CYTH2: variants seen among roughly 807,000 people sequenced by gnomAD.
CYTH2 encodes cytohesin 2.
In CYTH2, 24 loss-of-function variants were observed where a neutral mutation model predicts 55.4. The observed-to-expected ratio is 0.43, with a 90% CI of 0.31 to 0.61. The LOEUF (loss-of-function observed/expected upper bound fraction) is 0.61. Ranked by LOEUF, CYTH2 falls within the 20% of genes least tolerant of loss-of-function variation. The pLI is 0.08. For synonymous variants in CYTH2, 221 were observed against 209.6 expected (o/e 1.05, Z -0.47); for missense variants, 378 against 533.5 (o/e 0.71, Z 2.87).
chr19:48,478,178 T>G (rs773252646), intron 9 of CYTH2, 33 bp downstream of exon 9: 1 of 1,612,772 alleles, frequency 6.2e-7, no homozygotes, highest in South Asian at 1.1e-5. Flanking sequence ...TCTGGGGTCC[T>G]GGGCGGAGTG....
chr19:48,469,406 C>A lies in CYTH2; in HGVS notation c.-102C>A. The A allele has an allele frequency of 7.9e-7, 1 of 1,267,580 alleles. No homozygotes were observed. The highest frequency in any genetic ancestry group is 1.0e-6 in the Non-Finnish European group (1 of 989,626). 78.5% of individuals were successfully genotyped at this position (1,267,580 alleles called of 1,614,324 possible). A position where few individuals can be genotyped will look rare whatever the true frequency, so the allele number is the denominator to read the frequency against. ...TGGCGCTGAGGAGGCGGCGGTGGCT[C>A]CCGGGGCGTTTGAGCGGGCTCACCC... On this transcript the variant is annotated 5_prime_UTR_variant, in exon 1 of 12. Coordinates refer to ENST00000452733, the MANE Select transcript of CYTH2 (RefSeq NM_004228.7).
intron 8 of CYTH2, 135 bp from the exon 9 acceptor site, chr19:48,477,934 C>A: frequency 1.5e-6 from 1 of 653,812 alleles, no homozygotes; most frequent in South Asian, 1.9e-5. Flanking sequence ...TCTGTCTCCC[C>A]CAACGCAGCG....
chr19:48,469,383 G>C lies in CYTH2; in HGVS notation c.-125G>C. 6.2e-6 allele frequency: 7 copies of C among 1,120,020 alleles called. No individual in the cohort carries two copies. The highest frequency in any genetic ancestry group is 8.1e-6 in the Non-Finnish European group (7 of 861,748). 69.4% of individuals were successfully genotyped at this position (1,120,020 alleles called of 1,614,324 possible). A position where few individuals can be genotyped will look rare whatever the true frequency, so the allele number is the denominator to read the frequency against. On this transcript the variant is annotated 5_prime_UTR_variant, in exon 1 of 12. Coordinates refer to ENST00000452733, the MANE Select transcript of CYTH2 (RefSeq NM_004228.7). ...AGAGTCTTTTCAGCGCTGAGGACTG[G>C]CGCTGAGGAGGCGGCGGTGGCTCCC... is the stretch of plus-strand genomic sequence containing the variant.
chr19:48,477,937 A>G (rs896414905), intron 8 of CYTH2, 132 bp from the exon 9 acceptor site: 8 of 660,596 alleles, frequency 1.2e-5, no homozygotes, highest in African/African-American at 9.1e-5. Flanking sequence ...GTCTCCCCCA[A>G]CGCAGCGGCT....
At position 48,478,822 on chromosome 19, in the gene CYTH2, C is replaced by G. The variant is rs528574731; in HGVS notation, c.1112+230C>G. Among the ~76,000 whole-genome samples the G allele has an allele frequency of 3.4e-3, 359 of 105,530 alleles. 2 individuals are homozygous for G. Among genetic ancestry groups the G allele is most frequent in the African/African-American group, 0.018 (314 of 17,510 alleles). The allele number at this position is 105,530 out of a possible 152,430, so 69.2% of individuals were successfully genotyped here. On this transcript the variant is annotated intron_variant, in intron 11 of 11. Transcript: ENST00000452733. Reference sequence around the variant, plus strand: ...CGGAGGAGGGGCCGGGGGCCTGGACCCCTGGGTCTGACGGAGGAGGGGCCG... The same window carrying G: ...CGGAGGAGGGGCCGGGGGCCTGGACGCCTGGGTCTGACGGAGGAGGGGCCG...
Position 48,470,434 on chromosome 19 carries a change from A to G in CYTH2, c.101A>G (p.Gln34Arg), listed in dbSNP as rs1167890225. Residue 34 changes from glutamine (Q) to arginine (R), a missense_variant, in exon 2 of 12, where the codon CAG (glutamine) becomes CGG (arginine). Physicochemically the swap from Gln to Arg is conservative, Grantham distance 43. Coordinates refer to ENST00000452733, the MANE Select transcript of CYTH2 (RefSeq NM_004228.7). ...AAGCAGGAGCTGCTGGTGGAGATTC[A>G]GCGCCTGCGGGAGGAGCTCAGTGAA... ...RRKQELLVEI[Q>R]RLREELSEAM... 2.5e-6 allele frequency: 4 copies of G among 1,613,972 alleles called. No homozygotes were observed. The highest frequency in any genetic ancestry group is 3.4e-6 in the Non-Finnish European group (4 of 1,180,016).
intron 8 of CYTH2, 60 bp from the exon 9 acceptor site, chr19:48,478,009 T>C (rs1971953545): frequency 7.0e-7 from 1 of 1,419,968 alleles, no homozygotes; most frequent in Admixed American, 1.7e-5. Context: ...GCCCCTCCCA[T>C]CTCCCAGAGG....
chr19:48,480,484 G>C lies in CYTH2; in HGVS notation c.*1274G>C, dbSNP rs1269364298. 1 of 152,230 alleles carries C rather than the reference G, an allele frequency of 6.6e-6. No homozygotes were observed. Among genetic ancestry groups the C allele is most frequent in the African/African-American group, 2.4e-5 (1 of 41,462 alleles). The allele number at this position is 152,230 out of a possible 1,614,324, so 9.4% of individuals were successfully genotyped here. ...CTGCCGGCCTGAAGGCCCCCGCGGT[G>C]GGGGTACCCTGCGCCCCTCCGCGGG... is the stretch of plus-strand genomic sequence containing the variant. On this transcript the variant is annotated 3_prime_UTR_variant, in exon 12 of 12. Transcript: ENST00000452733.
In CYTH2 at chr19:48,475,339, A is replaced by G. The variant is rs533763099; in HGVS notation, c.808+390A>G. The stretch of plus-strand genomic sequence containing the variant: ...ACCCCTGGAATCTATTCCCCTTGGC[A>G]AGAACTCCCAGGGTTCCAGGCAGGA... On this transcript the variant is annotated intron_variant, in intron 8 of 11. Coordinates refer to ENST00000452733, the MANE Select transcript of CYTH2 (RefSeq NM_004228.7). 2.7e-5 allele frequency: 5 copies of G among 186,804 alleles called. No homozygotes were observed. In the East Asian group the frequency reaches 8.2e-4, roughly 31 times the overall value. 11.6% of individuals were successfully genotyped at this position (186,804 alleles called of 1,614,324 possible).
rs1327553903 is a variant in CYTH2 at position 48,469,379 on chromosome 19, A to G, written c.-129A>G. The G allele has an allele frequency of 1.9e-6, 2 of 1,064,462 alleles. No individual in the cohort carries two copies. Among genetic ancestry groups the G allele is most frequent in the Admixed American group, 4.2e-5 (1 of 23,868 alleles). 65.9% of individuals were successfully genotyped at this position (1,064,462 alleles called of 1,614,324 possible). A position where few individuals can be genotyped will look rare whatever the true frequency, so the allele number is the denominator to read the frequency against. On this transcript the variant is annotated 5_prime_UTR_variant, in exon 1 of 12. Transcript: ENST00000452733. ...GGGAAGAGTCTTTTCAGCGCTGAGG[A>G]CTGGCGCTGAGGAGGCGGCGGTGGC...
intron 11 of CYTH2, 110 bp downstream of exon 11, chr19:48,478,702 G>A: frequency 1.3e-6 from 1 of 743,160 alleles, no homozygotes; most frequent in South Asian, 1.9e-5. Flanking sequence ...AGGAGGGGCT[G>A]GGGCCTGGAC....
intron 9 of CYTH2, 29 bp from the exon 10 acceptor site, chr19:48,478,246 T>G: frequency 6.2e-7 from 1 of 1,610,458 alleles, no homozygotes; most frequent in Non-Finnish European, 8.5e-7. Flanking sequence ...GACTTGGAAG[T>G]CTGAGTTCTG....
At chr19:48,475,897 A>G (rs1971902673) in intron 8 of CYTH2, 1 of 393,718 alleles carries the variant, frequency 2.5e-6, no homozygotes, top group African/African-American at 2.1e-5. Context: ...CACGGTGCAC[A>G]GCTGCTCCAG....
Position 48,479,157 on chromosome 19 carries a change from C to T in CYTH2, c.1147C>T (p.Leu383=), listed in dbSNP as rs774067298. Reference sequence around the variant, plus strand: ...GAGTGTGGACCCCTTCTATGAGATGCTGGCAGCGAGAAAGAAGCGGATTTC... The same window carrying T: ...GAGTGTGGACCCCTTCTATGAGATGTTGGCAGCGAGAAAGAAGCGGATTTC... ...AVSVDPFYEM[L]AARKKRISVK... Residue 383 remains leucine (L), a synonymous_variant, in exon 12 of 12, where the codon CTG becomes TTG. Coordinates refer to ENST00000452733, the MANE Select transcript of CYTH2 (RefSeq NM_004228.7). 43 of 1,613,980 alleles carry T rather than the reference C, an allele frequency of 2.7e-5. No homozygotes were observed. In the South Asian group the frequency reaches 4.6e-4, roughly 17 times the overall value.
chr19:48,474,783 TA>T lies in CYTH2; in HGVS notation c.697-53del. Reference sequence around the variant, plus strand: ...TGGTCTCGCTGCCCCCCACCCTGAGTAACCCTGGGGGGCCCCAGGGGGCTCG... The same window carrying T: ...TGGTCTCGCTGCCCCCCACCCTGAGTACCCTGGGGGGCCCCAGGGGGCTCG... On this transcript the variant is annotated intron_variant, in intron 7 of 11. Transcript: ENST00000452733. This position sits in a 1 kb window ranked among gnomAD's most constrained non-coding sequence, Gnocchi z 4.9. The T allele has an allele frequency of 6.5e-7, 1 of 1,533,600 alleles. No homozygotes were observed. The highest frequency in any genetic ancestry group is 9.0e-7 in the Non-Finnish European group (1 of 1,108,216). 95.0% of individuals were successfully genotyped at this position (1,533,600 alleles called of 1,614,324 possible). A position where few individuals can be genotyped will look rare whatever the true frequency, so the allele number is the denominator to read the frequency against.
chr19:48,473,466 A>G (rs1601022609), intron 5 of CYTH2, 88 bp downstream of exon 5: 4 of 1,419,994 alleles, frequency 2.8e-6, no homozygotes, highest in Non-Finnish European at 3.0e-6. Flanking sequence ...TCAAGAAAAA[A>G]ACAGAAACAA....
At position 48,480,747 on chromosome 19, in the gene CYTH2, C is replaced by T. The variant is rs1352757362; in HGVS notation, c.*1537C>T. 1 of 152,266 alleles carries T rather than the reference C, an allele frequency of 6.6e-6. No homozygotes were observed. Among genetic ancestry groups the T allele is most frequent in the East Asian group, 1.9e-4 (1 of 5,204 alleles). 9.4% of individuals were successfully genotyped at this position (152,266 alleles called of 1,614,324 possible). On this transcript the variant is annotated 3_prime_UTR_variant, in exon 12 of 12. Coordinates refer to ENST00000452733, the MANE Select transcript of CYTH2 (RefSeq NM_004228.7). The stretch of plus-strand genomic sequence containing the variant: ...TAGAATTCCCCACTTCTCTTTCCCA[C>T]AGGTGCCAGGGAAACGGAGTCATCG...
In CYTH2 at chr19:48,471,283, C is replaced by T. The variant is rs983921783; in HGVS notation, c.234+614C>T. 2.5e-4 allele frequency among the ~76,000 whole-genome samples: 38 copies of T among 151,672 alleles called. 1 individual carries two copies. Among genetic ancestry groups the T allele is most frequent in the African/African-American group, 8.5e-4 (35 of 41,016 alleles). The stretch of plus-strand genomic sequence containing the variant: ...TCTCCTGCCTCAGCCTCCCAAGTAG[C>T]TGGGCTTACAGGCTCCCACCACCAT... On this transcript the variant is annotated intron_variant, in intron 3 of 11. Coordinates refer to ENST00000452733, the MANE Select transcript of CYTH2 (RefSeq NM_004228.7).
chr19:48,472,299 A>T, intron 3 of CYTH2, 26 bp from the exon 4 acceptor site: 1 of 1,610,446 alleles, frequency 6.2e-7, no homozygotes, highest in Non-Finnish European at 8.5e-7. Context: ...GGCCCTCAGC[A>T]CTGAGACCTT....
Sources: allele counts gnomAD v4.1 joint callset (sites outside exome capture counted in the v4.1 genomes callset), GRCh38; gene constraint gnomAD v4.1.1; non-coding constraint Gnocchi (gnomAD v3.1); transcripts MANE v1.5; gene names NCBI Gene and HGNC (gene_info 2026-07-23, HGNC 2026-07-21).